TMEM132C: variants seen among roughly 807,000 people sequenced by gnomAD.
The protein encoded by TMEM132C is transmembrane protein 132C.
In TMEM132C, 29 loss-of-function variants were observed where a neutral mutation model predicts 61.4. That is an observed-to-expected ratio of 0.47 (90% CI 0.35 to 0.64). The LOEUF is 0.64. Among genes scored for constraint, TMEM132C ranks in the 30% least tolerant of loss-of-function variants. TMEM132C has a pLI of 0.00. For synonymous variants in TMEM132C, 656 were observed against 633.1 expected, an observed-to-expected ratio of 1.04 and a Z score of -0.54; for missense variants, 1,408 against 1,476.9, an observed-to-expected ratio of 0.95 and a Z score of 0.76.
chr12:128,679,176 C>T (rs1954615259), intron 5 of TMEM132C, among the ~76,000 whole-genome samples: 2 of 152,202 alleles, frequency 1.3e-5, no homozygotes, highest in African/African-American at 4.8e-5. Context: ...ATGGCAGCTG[C>T]AATATTCACT....
At chr12:128,341,009 C>G (rs115686466) in intron 1 of TMEM132C, among the ~76,000 whole-genome samples, 1 of 150,514 alleles carries the variant, frequency 6.6e-6, no homozygotes, top group African/African-American at 2.5e-5. Context: ...GGAGTAATCT[C>G]AACTCACTGC....
chr12:128,360,132 C>T lies in TMEM132C; in HGVS notation c.86-54600C>T, dbSNP rs143378776. Among the ~76,000 whole-genome samples, 234 of 152,126 alleles carry T rather than the reference C, an allele frequency of 1.5e-3. 1 individual carries two copies. Among genetic ancestry groups the T allele is most frequent in the African/African-American group, 5.6e-3 (232 of 41,496 alleles). ...ACCAGACAGGCAACAATAACGAAAC[C>T]AACATTGTGATTGCTCTTGCAGCTC... On this transcript the variant is annotated intron_variant, in intron 1 of 8. Transcript: ENST00000435159.
chr12:128,609,642 G>A (rs1407623570), intron 3 of TMEM132C, among the ~76,000 whole-genome samples: 1 of 152,104 alleles, frequency 6.6e-6, no homozygotes. Flanking sequence ...GCTCCTCCCT[G>A]CTGCCTGTCT....
chr12:128,341,327 A>C (rs1213111190), intron 1 of TMEM132C, among the ~76,000 whole-genome samples: 1 of 152,224 alleles, frequency 6.6e-6, no homozygotes, highest in Non-Finnish European at 1.5e-5. Context: ...ATTTTTACCA[A>C]TTGTTGGAAT....
At chr12:128,687,363 C>G (rs1954685843) in intron 5 of TMEM132C, among the ~76,000 whole-genome samples, 1 of 152,164 alleles carries the variant, frequency 6.6e-6, no homozygotes, top group Non-Finnish European at 1.5e-5. Context: ...TGAGTACCAT[C>G]ATCCCTACCC....
intron 2 of TMEM132C, among the ~76,000 whole-genome samples, chr12:128,516,573 T>C (rs1406573690): frequency 1.4e-5 from 2 of 145,248 alleles, no homozygotes. Context: ...TTACATTTTA[T>C]TGTATGCAAA....
chr12:128,695,297 A>G (rs1260919005), intron 6 of TMEM132C, among the ~76,000 whole-genome samples: 3 of 152,174 alleles, frequency 2.0e-5, no homozygotes, highest in Non-Finnish European at 2.9e-5. Flanking sequence ...AGGTGGGAGA[A>G]TCACTTGAGG....
intron 2 of TMEM132C, among the ~76,000 whole-genome samples, chr12:128,511,739 G>A (rs1183737543): frequency 6.6e-6 from 1 of 152,192 alleles, no homozygotes; most frequent in Non-Finnish European, 1.5e-5. Flanking sequence ...CCAGCCCCAG[G>A]AGGTGGAGTG....
At chr12:128,380,638 G>T (rs977089425) in intron 1 of TMEM132C, among the ~76,000 whole-genome samples, 2 of 152,108 alleles carry the variant, frequency 1.3e-5, no homozygotes, top group African/African-American at 4.8e-5. Flanking sequence ...AGCCAGGCAT[G>T]GTGGCTCACA....
chr12:128,295,013 A>AGATAGATAGATAGATAGATAGAT (rs1566046102), intron 1 of TMEM132C, among the ~76,000 whole-genome samples: 1 of 147,472 alleles, frequency 6.8e-6, no homozygotes, highest in Non-Finnish European at 1.5e-5. Flanking sequence ...GTAGATAGAT[A>AGATAGATAGATAGATAGATAGAT]AGAAGTTCAA....
At chr12:128,437,417 C>G (rs1175987933) in intron 2 of TMEM132C, among the ~76,000 whole-genome samples, 1 of 152,210 alleles carries the variant, frequency 6.6e-6, no homozygotes, top group East Asian at 1.9e-4. Flanking sequence ...ATCTTCCCAT[C>G]ATGCTCCACT....
At chr12:128,582,877 C>T (rs59546284) in intron 3 of TMEM132C, among the ~76,000 whole-genome samples, 1,709 of 152,248 alleles carry the variant, frequency 0.011, 40 homozygotes, top group African/African-American at 0.038. Context: ...TGGGCTCAAG[C>T]GATCCTCCCA....
At chr12:128,596,433 G>T (rs750048713) in intron 3 of TMEM132C, among the ~76,000 whole-genome samples, 5 of 148,206 alleles carry the variant, frequency 3.4e-5, no homozygotes, top group Admixed American at 6.7e-5. Context: ...TGCCCCTTTC[G>T]CAGGTCTTGG....
At position 128,326,281 on chromosome 12, in the gene TMEM132C, C is replaced by G. The variant is rs185247725; in HGVS notation, c.85+58794C>G. Among the ~76,000 whole-genome samples, 1 of 152,248 alleles carries G rather than the reference C, an allele frequency of 6.6e-6. No homozygotes were observed. The highest frequency in any genetic ancestry group is 6.5e-5 in the Admixed American group (1 of 15,300). On this transcript the variant is annotated intron_variant, in intron 1 of 8. Transcript: ENST00000435159. This position sits in a 1 kb window ranked among gnomAD's most constrained non-coding sequence, Gnocchi z 5.6. The stretch of plus-strand genomic sequence containing the variant: ...CCACCACCATCACTCCATGAACCCC[C>G]CAGCCTCCCTGGGCTCTTCTCCGTG...
At chr12:128,385,494 G>GT (rs1874551962) in intron 1 of TMEM132C, among the ~76,000 whole-genome samples, 1 of 152,200 alleles carries the variant, frequency 6.6e-6, no homozygotes, top group South Asian at 2.1e-4. Flanking sequence ...GGCACATGAT[G>GT]ATCACATTTC....
At chr12:128,572,620 C>T (rs1453359279) in intron 3 of TMEM132C, among the ~76,000 whole-genome samples, 1 of 151,056 alleles carries the variant, frequency 6.6e-6, no homozygotes, top group Admixed American at 6.6e-5. Context: ...GGTCACATGA[C>T]AAGTTGTGGC....
intron 2 of TMEM132C, among the ~76,000 whole-genome samples, chr12:128,416,124 A>G (rs971346141): frequency 6.6e-6 from 1 of 152,190 alleles, no homozygotes; most frequent in Non-Finnish European, 1.5e-5. Context: ...GCCTTACTGC[A>G]TGAGTACAGC....
chr12:128,307,426 GAA>G (rs71069555), intron 1 of TMEM132C, among the ~76,000 whole-genome samples: 54,011 of 143,406 alleles, frequency 0.38, 11,242 homozygotes, highest in Middle Eastern at 0.5. Context: ...CTCCAGATTT[GAA>G]AAAAAAAAAA....
In TMEM132C at chr12:128,630,003, C is replaced by A. The variant is rs1419066007; in HGVS notation, c.1305+13668C>A. On this transcript the variant is annotated intron_variant, in intron 4 of 8. Transcript: ENST00000435159. The surrounding 1 kb of genome is among the most constrained non-coding windows in gnomAD (Gnocchi z 4.3). The stretch of plus-strand genomic sequence containing the variant: ...AAAAAAAAGGCAAGAGGGTAGATCT[C>A]ATATTACCTGTTCTTACCATAATAA... Among the ~76,000 whole-genome samples, 1 of 150,074 alleles carries A rather than the reference C, an allele frequency of 6.7e-6. No individual in the cohort carries two copies. The highest frequency in any genetic ancestry group is 1.5e-5 in the Non-Finnish European group (1 of 67,668).
Sources: allele counts gnomAD v4.1 joint callset (sites outside exome capture counted in the v4.1 genomes callset), GRCh38; gene constraint gnomAD v4.1.1; non-coding constraint Gnocchi (gnomAD v3.1); transcripts MANE v1.5; gene names NCBI Gene and HGNC (gene_info 2026-07-23, HGNC 2026-07-21).